Variants in RNF138 observed in about 807,000 individuals in gnomAD.
RNF138 encodes the protein E3 ubiquitin-protein ligase RNF138.
Under a neutral mutation model 31.0 loss-of-function variants are expected in RNF138, and 12 were observed. The ratio of observed to expected loss-of-function variants is 0.39; its 90% CI spans 0.25 to 0.63. The LOEUF is 0.63. RNF138 is among the 20% of genes least tolerant of loss of function. The pLI, the probability that RNF138 is intolerant of heterozygous loss-of-function variation, is 0.52. For missense variants in RNF138, 192 were observed against 300.1 expected, an observed-to-expected ratio of 0.64 and a Z score of 2.66; for synonymous variants, 105 against 99.5, an observed-to-expected ratio of 1.06 and a Z score of -0.33.
At chr18:32,128,977 A>G in intron 7 of RNF138, 142 bp from the exon 8 acceptor site, 1 of 600,540 alleles carries the variant, frequency 1.7e-6, no homozygotes, top group Admixed American at 2.7e-5. Context: ...AGATACTGTT[A>G]TATATGTTTT....
Position 32,130,301 on chromosome 18 carries a change from TACAC to T in RNF138, c.*1122_*1125del, listed in dbSNP as rs952037790. ...ACTATTACACCTTAAAAATTGAGTT[TACAC>T]ACACACAATTACCTGTTTATATGGT... On this transcript the variant is annotated 3_prime_UTR_variant, in exon 8 of 8. Coordinates refer to ENST00000261593, the MANE Select transcript of RNF138 (RefSeq NM_016271.5). 3.3e-5 allele frequency: 5 copies of T among 152,460 alleles called. No individual in the cohort carries two copies. Among genetic ancestry groups the T allele is most frequent in the African/African-American group, 1.2e-4 (5 of 41,560 alleles). 9.4% of individuals were successfully genotyped at this position (152,460 alleles called of 1,614,324 possible).
chr18:32,107,025 TTTTCTC>T (rs1378718348), intron 2 of RNF138, among the ~76,000 whole-genome samples: 2 of 152,056 alleles, frequency 1.3e-5, no homozygotes, highest in Non-Finnish European at 2.9e-5. Context: ...TTGAAAATAA[TTTTCTC>T]TTTCTGTCTC....
chr18:32,100,985 G>C (rs1179639110), intron 2 of RNF138, among the ~76,000 whole-genome samples: 1 of 152,160 alleles, frequency 6.6e-6, no homozygotes, highest in African/African-American at 2.4e-5. Context: ...GTATAAGAGA[G>C]GGATCAGATC....
intron 2 of RNF138, among the ~76,000 whole-genome samples, chr18:32,104,957 G>A (rs1486932521): frequency 3.3e-5 from 5 of 151,946 alleles, no homozygotes; most frequent in Non-Finnish European, 7.4e-5. Context: ...AGAACATGCA[G>A]ATAGCACAAC....
At chr18:32,121,418 C>T (rs919552772) in intron 4 of RNF138, among the ~76,000 whole-genome samples, 1 of 152,126 alleles carries the variant, frequency 6.6e-6, no homozygotes, top group African/African-American at 2.4e-5. Context: ...TCACTTGAAC[C>T]TGGGAGGCGG....
At chr18:32,105,767 A>AAGC (rs965573771) in intron 2 of RNF138, among the ~76,000 whole-genome samples, 34 of 152,348 alleles carry the variant, frequency 2.2e-4, no homozygotes, top group African/African-American at 7.9e-4. Context: ...GGAAGACCAC[A>AAGC]AGCAGCAAGG....
At chr18:32,101,393 G>GTA (rs200854903) in intron 2 of RNF138, among the ~76,000 whole-genome samples, 1,672 of 150,276 alleles carry the variant, frequency 0.011, 35 homozygotes, top group African/African-American at 0.035. Context: ...TAATTTTTGT[G>GTA]TATATATATA....
At chr18:32,092,649 G>C (rs1006704360) in intron 1 of RNF138, 51 bp from the exon 2 acceptor site, 2 of 661,560 alleles carry the variant, frequency 3.0e-6, no homozygotes, top group Non-Finnish European at 2.7e-6. Context: ...CCCCTTCCTG[G>C]CGCGCGCTGT....
intron 2 of RNF138, 30 bp downstream of exon 2, chr18:32,092,916 G>A (rs1421973657): frequency 3.7e-6 from 5 of 1,363,450 alleles, no homozygotes; most frequent in Non-Finnish European, 5.0e-6. Flanking sequence ...CCCTCGCGGA[G>A]CCGGGTTGTC....
At chr18:32,107,017 G>A (rs955327623) in intron 2 of RNF138, among the ~76,000 whole-genome samples, 1 of 150,676 alleles carries the variant, frequency 6.6e-6, no homozygotes. Flanking sequence ...TTGTTTCTTT[G>A]AAAATAATTT....
chr18:32,092,576 T>C, intron 1 of RNF138, 124 bp from the exon 2 acceptor site: 2 of 573,860 alleles, frequency 3.5e-6, no homozygotes, highest in South Asian at 4.1e-5. Context: ...AGGGGTCGCC[T>C]CTTGCCCGGC....
intron 2 of RNF138, among the ~76,000 whole-genome samples, chr18:32,096,998 C>G (rs963395856): frequency 3.9e-5 from 6 of 152,274 alleles, no homozygotes; most frequent in African/African-American, 1.4e-4. Flanking sequence ...TCCCAAAGTG[C>G]TGGGATTACA....
At chr18:32,113,965 G>C in intron 4 of RNF138, 105 bp downstream of exon 4, 1 of 594,378 alleles carries the variant, frequency 1.7e-6, no homozygotes, top group Middle Eastern at 2.6e-4. Context: ...GTGTGTATGT[G>C]CACATGTGTT....
intron 6 of RNF138, among the ~76,000 whole-genome samples, chr18:32,125,951 C>T (rs1053592758): frequency 6.6e-6 from 1 of 151,882 alleles, no homozygotes; most frequent in Admixed American, 6.5e-5. Context: ...TAAGATTTTA[C>T]TTAGTTTTAT....
At position 32,107,116 on chromosome 18, in the gene RNF138, CTTTTT is replaced by C. The variant is rs58774714; in HGVS notation, c.111-4621_111-4617del. Among the ~76,000 whole-genome samples the C allele has an allele frequency of 3.9e-3, 393 of 100,578 alleles. 1 individual carries two copies. The highest frequency in any genetic ancestry group is 0.015 in the African/African-American group (366 of 25,100). 66.0% of individuals were successfully genotyped at this position (100,578 alleles called of 152,430 possible). A position where few individuals can be genotyped will look rare whatever the true frequency, so the allele number is the denominator to read the frequency against. ...TGGTTAAATTCACTTTCCTTTTTTC[CTTTTT>C]TTTTTTTTTTTTTTTTGGAGACGGA... On this transcript the variant is annotated intron_variant, in intron 2 of 7. Transcript: ENST00000261593.
At chr18:32,114,351 A>G (rs868756735) in intron 4 of RNF138, among the ~76,000 whole-genome samples, 1 of 152,132 alleles carries the variant, frequency 6.6e-6, no homozygotes, top group African/African-American at 2.4e-5. Context: ...CTAGATTTGG[A>G]TTGATTTGTA....
chr18:32,092,643 T>A, intron 1 of RNF138, 57 bp from the exon 2 acceptor site: 19 of 629,176 alleles, frequency 3.0e-5, no homozygotes, highest in East Asian at 1.6e-4. Flanking sequence ...CCCCGCCCCC[T>A]TCCTGGCGCG....
At chr18:32,116,006 A>G (rs2040210814) in intron 4 of RNF138, among the ~76,000 whole-genome samples, 1 of 152,184 alleles carries the variant, frequency 6.6e-6, no homozygotes, top group Non-Finnish European at 1.5e-5. Flanking sequence ...ATTGTATTAC[A>G]TTGTCAAGAA....
chr18:32,106,548 TTTTATTTA>T (rs58517415), intron 2 of RNF138, among the ~76,000 whole-genome samples: 32 of 146,916 alleles, frequency 2.2e-4, no homozygotes, highest in South Asian at 4.7e-4. Context: ...TTTTATTTTA[TTTTATTTA>T]TTTATTTATT....
Sources: allele counts gnomAD v4.1 joint callset (sites outside exome capture counted in the v4.1 genomes callset), GRCh38; gene constraint gnomAD v4.1.1; transcripts MANE v1.5; gene names NCBI Gene and HGNC (gene_info 2026-07-23, HGNC 2026-07-21).